The following FAM135B variants were observed in gnomAD, a reference collection of about 807,000 sequenced individuals.
FAM135B encodes protein FAM135B.
A neutral mutation model predicts 127.7 loss-of-function variants in FAM135B; 43 were observed. That is an observed-to-expected ratio of 0.34 (90% CI 0.26 to 0.43). The LOEUF (loss-of-function observed/expected upper bound fraction) is 0.43, where lower values mean the gene tolerates loss of function less well. Ranked by LOEUF, FAM135B falls within the 20% of genes least tolerant of loss-of-function variation. FAM135B has a pLI of 1.00. For missense variants in FAM135B, 1,558 were observed against 1,725.6 expected (o/e 0.90, Z 1.72); for synonymous variants, 670 against 665.1 (o/e 1.01, Z -0.11).
At chr8:138,225,679 T>A (rs1180050779) in intron 7 of FAM135B, among the ~76,000 whole-genome samples, 1 of 152,060 alleles carries the variant, frequency 6.6e-6, no homozygotes, top group Non-Finnish European at 1.5e-5. Context: ...AGAAAATGAT[T>A]GAGGGACCAA....
At chr8:138,254,754 A>G (rs908447767) in intron 5 of FAM135B, among the ~76,000 whole-genome samples, 9 of 152,294 alleles carry the variant, frequency 5.9e-5, no homozygotes, top group African/African-American at 1.9e-4. Context: ...GATAGAGACA[A>G]AAGTGAGGCA....
At chr8:138,356,500 G>C (rs1830098679) in intron 2 of FAM135B, among the ~76,000 whole-genome samples, 1 of 152,092 alleles carries the variant, frequency 6.6e-6, no homozygotes, top group Non-Finnish European at 1.5e-5. Flanking sequence ...TAATAACACA[G>C]AATTTCAAAA....
intron 3 of FAM135B, among the ~76,000 whole-genome samples, chr8:138,308,328 G>A (rs771208513): frequency 2.0e-5 from 3 of 152,148 alleles, no homozygotes; most frequent in Non-Finnish European, 4.4e-5. Context: ...GTGCATAAAT[G>A]TCCCCAGCCT....
At chr8:138,134,545 T>A (rs1266279692) in intron 19 of FAM135B, among the ~76,000 whole-genome samples, 3 of 152,104 alleles carry the variant, frequency 2.0e-5, no homozygotes, top group Non-Finnish European at 2.9e-5. Context: ...GCACTGTTTT[T>A]AAATTGATGG....
intron 3 of FAM135B, among the ~76,000 whole-genome samples, chr8:138,293,071 G>T (rs1462133349): frequency 6.6e-6 from 1 of 152,106 alleles, no homozygotes; most frequent in Non-Finnish European, 1.5e-5. Context: ...TAGTGGAAAA[G>T]AATAGAGAAC....
At chr8:138,479,407 A>C (rs2131678714) in intron 1 of FAM135B, among the ~76,000 whole-genome samples, 1 of 151,884 alleles carries the variant, frequency 6.6e-6, no homozygotes, top group East Asian at 1.9e-4. Flanking sequence ...ACCAGCCCCC[A>C]CTCCCCTCGT....
intron 1 of FAM135B, among the ~76,000 whole-genome samples, chr8:138,489,036 C>G (rs537052326): frequency 6.6e-6 from 1 of 152,170 alleles, no homozygotes; most frequent in East Asian, 1.9e-4. Context: ...CTTCCTCTAC[C>G]TCTATACTTC....
In FAM135B at chr8:138,429,379, T is replaced by C. The variant is rs924972835; in HGVS notation, c.-19-61377A>G. 9.8e-5 allele frequency among the ~76,000 whole-genome samples: 15 copies of C among 152,342 alleles called. No individual in the cohort carries two copies. In the South Asian group the frequency reaches 2.9e-3, roughly 29 times the overall value. On this transcript the variant is annotated intron_variant, in intron 1 of 19. Transcript: ENST00000395297. The stretch of plus-strand genomic sequence containing the variant: ...TTGGCTTTTATTATCATCACCATTA[T>C]TGCTGCTATCCTTGTGGCTACCACC...
intron 1 of FAM135B, among the ~76,000 whole-genome samples, chr8:138,487,765 G>T (rs1168264319): frequency 6.6e-6 from 1 of 152,144 alleles, no homozygotes; most frequent in African/African-American, 2.4e-5. Flanking sequence ...ACTTTGGGAG[G>T]CCAAGGTGGG....
At chr8:138,246,518 C>A (rs1554643630) in intron 6 of FAM135B, among the ~76,000 whole-genome samples, 1 of 152,168 alleles carries the variant, frequency 6.6e-6, no homozygotes, top group Non-Finnish European at 1.5e-5. Flanking sequence ...GTTGAGCCTG[C>A]AGGTGCACAG....
Position 138,465,860 on chromosome 8 carries a change from A to G in FAM135B, c.-20+30811T>C, listed in dbSNP as rs1436088402. ...AGTGGTACAATCTTGGCTGACTGCAACCTCCGCCTCCCAGGTTCAAGCGAA... is the reference window on the plus strand; with the variant it reads ...AGTGGTACAATCTTGGCTGACTGCAGCCTCCGCCTCCCAGGTTCAAGCGAA... On this transcript the variant is annotated intron_variant, in intron 1 of 19. Transcript: ENST00000395297. Among the ~76,000 whole-genome samples the G allele has an allele frequency of 3.3e-5, 5 of 151,354 alleles. No homozygotes were observed. The East Asian group carries it at 9.7e-4, about 29-fold the overall frequency.
chr8:138,477,709 T>C (rs2131675390), intron 1 of FAM135B, among the ~76,000 whole-genome samples: 1 of 152,326 alleles, frequency 6.6e-6, no homozygotes, highest in African/African-American at 2.4e-5. Flanking sequence ...GATGCCCTTT[T>C]GGTCAGTGGT....
At chr8:138,335,655 T>C (rs1041001480) in intron 2 of FAM135B, among the ~76,000 whole-genome samples, 5 of 152,116 alleles carry the variant, frequency 3.3e-5, no homozygotes, top group Non-Finnish European at 5.9e-5. Context: ...ACAATAATAA[T>C]GGGAGACTTT....
intron 1 of FAM135B, among the ~76,000 whole-genome samples, chr8:138,486,715 A>G (rs1456789011): frequency 6.6e-6 from 1 of 152,110 alleles, no homozygotes; most frequent in Non-Finnish European, 1.5e-5. Flanking sequence ...CTTGTCTAAT[A>G]CTGCTTCCCT....
At chr8:138,212,326 ATAGAG>A (rs1818207909) in intron 7 of FAM135B, among the ~76,000 whole-genome samples, 1 of 152,202 alleles carries the variant, frequency 6.6e-6, no homozygotes, top group Non-Finnish European at 1.5e-5. Flanking sequence ...GACTCAGCAG[ATAGAG>A]TGATGTTGCT....
At chr8:138,433,042 T>C (rs1240341104) in intron 1 of FAM135B, among the ~76,000 whole-genome samples, 1 of 151,812 alleles carries the variant, frequency 6.6e-6, no homozygotes, top group Non-Finnish European at 1.5e-5. Context: ...AGGAGAGCAG[T>C]CCACTGTATA....
intron 7 of FAM135B, among the ~76,000 whole-genome samples, chr8:138,218,256 TA>T (rs1818724343): frequency 6.6e-6 from 1 of 152,134 alleles, no homozygotes; most frequent in Admixed American, 6.5e-5. Context: ...AAAGCTCTAC[TA>T]AAAATAGTGA....
At chr8:138,134,507 C>A (rs571884475) in intron 19 of FAM135B, among the ~76,000 whole-genome samples, 2 of 152,162 alleles carry the variant, frequency 1.3e-5, no homozygotes, top group East Asian at 1.9e-4. Context: ...ACATTTATAG[C>A]AAACTCTTAT....
chr8:138,179,749 A>G (rs1317298151), intron 9 of FAM135B, among the ~76,000 whole-genome samples: 1 of 152,130 alleles, frequency 6.6e-6, no homozygotes, highest in African/African-American at 2.4e-5. Flanking sequence ...GCTGGAGTGC[A>G]GTGGTGTGAT....
Sources: gnomAD v4.1 joint callset for allele counts (sites outside exome capture counted in the v4.1 genomes callset) on GRCh38, gnomAD v4.1.1 for gene constraint, MANE v1.5 for transcripts, NCBI Gene and HGNC (gene_info 2026-07-23, HGNC 2026-07-21) for gene names.